The following TUSC3 variants were observed in gnomAD, a reference collection of about 807,000 sequenced individuals.
TUSC3 encodes the protein tumor suppressor candidate 3.
TUSC3 carries 45 observed loss-of-function variants against 44.8 expected under a neutral mutation model. The observed-to-expected ratio is 1.00, with a 90% CI of 0.79 to 1.29. The LOEUF (loss-of-function observed/expected upper bound fraction) is 1.29. TUSC3 is among the 50% of genes most tolerant of loss of function. The pLI is 0.00. For missense variants in TUSC3, 519 were observed against 437.9 expected (o/e 1.19, Z -1.65); for synonymous variants, 212 against 152.9 (o/e 1.39, Z -2.85).
chr8:15,473,860 TAAAC>T (rs1344115953), intron 1 of TUSC3, among the ~76,000 whole-genome samples: 1 of 152,140 alleles, frequency 6.6e-6, no homozygotes, highest in African/African-American at 2.4e-5. Flanking sequence ...ATAAACATCT[TAAAC>T]AACAGAAAAC....
At chr8:15,846,136 G>C in the TUSC3 span, among the ~76,000 whole-genome samples, 1 of 152,150 alleles carries the variant, frequency 6.6e-6, no homozygotes, top group Non-Finnish European at 1.5e-5. Flanking sequence ...CAACATGTGG[G>C]AATTCTGGGA....
chr8:15,764,075 A>G (rs1812257306), intron 10 of TUSC3, 128 bp from the exon 11 acceptor site: 3 of 993,746 alleles, frequency 3.0e-6, no homozygotes, highest in Non-Finnish European at 4.4e-6. Context: ...AAAAATTACA[A>G]TTAGTTGAAT....
chr8:15,835,215 A>C, the TUSC3 span, among the ~76,000 whole-genome samples: 56 of 152,286 alleles, frequency 3.7e-4, no homozygotes, highest in African/African-American at 1.3e-3. Context: ...CTTTACATTC[A>C]GGTTTGTAAA....
At chr8:15,759,691 A>G (rs909391922) in intron 10 of TUSC3, among the ~76,000 whole-genome samples, 1 of 152,010 alleles carries the variant, frequency 6.6e-6, no homozygotes, top group African/African-American at 2.4e-5. Context: ...ATTTTGTAAC[A>G]TGGCATTCTT....
intron 6 of TUSC3, among the ~76,000 whole-genome samples, chr8:15,718,242 T>C (rs1228652669): frequency 6.6e-6 from 1 of 152,060 alleles, no homozygotes; most frequent in Non-Finnish European, 1.5e-5. Context: ...TCAGACAGAA[T>C]CAGTTGGGTC....
intron 5 of TUSC3, among the ~76,000 whole-genome samples, chr8:15,672,055 A>G (rs1807971701): frequency 6.6e-6 from 1 of 151,962 alleles, no homozygotes; most frequent in Admixed American, 6.6e-5. Flanking sequence ...TGTTTTAGAG[A>G]TTGACTGGGT....
intron 2 of TUSC3, among the ~76,000 whole-genome samples, chr8:15,503,249 T>C (rs1317375924): frequency 6.6e-6 from 1 of 151,952 alleles, no homozygotes; most frequent in Non-Finnish European, 1.5e-5. Context: ...ACAAGGACAA[T>C]ATGGCCATCT....
At chr8:15,750,347 G>C (rs352786) in intron 9 of TUSC3, among the ~76,000 whole-genome samples, 4,498 of 151,954 alleles carry the variant, frequency 0.03, 204 homozygotes, top group African/African-American at 0.1. Flanking sequence ...AACTTTCCTT[G>C]TATATCAGAG....
At chr8:15,442,731 A>C (rs531577832) in intron 1 of TUSC3, among the ~76,000 whole-genome samples, 1 of 152,140 alleles carries the variant, frequency 6.6e-6, no homozygotes, top group African/African-American at 2.4e-5. Flanking sequence ...TGATGAAAGA[A>C]TATAGGAGGA....
At chr8:15,582,691 C>G (rs1439154639) in intron 1 of TUSC3, among the ~76,000 whole-genome samples, 1 of 152,184 alleles carries the variant, frequency 6.6e-6, no homozygotes, top group Non-Finnish European at 1.5e-5. Context: ...ATGTAATTCT[C>G]TGCAAGCCTG....
rs7843235 is a variant in TUSC3 at position 15,549,120 on chromosome 8, A to G, written c.138+8552A>G. Among the ~76,000 whole-genome samples, 1,427 of 151,952 alleles carry G rather than the reference A, an allele frequency of 9.4e-3. 29 individuals are homozygous for G. Among genetic ancestry groups the G allele is most frequent in the African/African-American group, 0.032 (1,350 of 41,550 alleles). ...TAGAAGAATAATTTATACCTCAGGT[A>G]TATTTGCTGCATACAATGTGTTTTC... On this transcript the variant is annotated intron_variant, in intron 1 of 10. Coordinates refer to ENST00000503731, the MANE Select transcript of TUSC3 (RefSeq NM_006765.4).
chr8:15,692,357 A>ACC (rs57593991), intron 6 of TUSC3, among the ~76,000 whole-genome samples: 21 of 88,130 alleles, frequency 2.4e-4, no homozygotes, highest in South Asian at 2.1e-3. Context: ...TTGGGAGGAG[A>ACC]CCCCCCCCCC....
Position 15,651,010 on chromosome 8 carries a change from C to G in TUSC3, c.426+196C>G, listed in dbSNP as rs73195129. 0.19 allele frequency: 107,454 copies of G among 557,684 alleles called. 11,025 individuals are homozygous for G. Among genetic ancestry groups the G allele is most frequent in the South Asian group, 0.26 (13,500 of 51,210 alleles). The allele number at this position is 557,684 out of a possible 1,614,324, so 34.5% of individuals were successfully genotyped here. A position where few individuals can be genotyped will look rare whatever the true frequency, so the allele number is the denominator to read the frequency against. ...ACACACACACACACACACACACACA[C>G]ACACACACACACAAATACAATTCAT... On this transcript the variant is annotated intron_variant, in intron 3 of 10. Transcript: ENST00000503731.
chr8:15,784,159 C>G, the TUSC3 span, among the ~76,000 whole-genome samples: 1 of 152,008 alleles, frequency 6.6e-6, no homozygotes, highest in Non-Finnish European at 1.5e-5. Flanking sequence ...ACCTCACAAC[C>G]ATTAGATTGC....
intron 1 of TUSC3, among the ~76,000 whole-genome samples, chr8:15,458,860 G>T (rs918688819): frequency 6.6e-6 from 1 of 152,140 alleles, no homozygotes; most frequent in Admixed American, 6.5e-5. Context: ...TTGGATTTTA[G>T]CTTTACAGGT....
intron 2 of TUSC3, among the ~76,000 whole-genome samples, chr8:15,527,687 G>A (rs1381820804): frequency 3.3e-5 from 5 of 152,134 alleles, no homozygotes; most frequent in African/African-American, 1.2e-4. Flanking sequence ...TTATAGGAGT[G>A]AGCCACTGCA....
intron 2 of TUSC3, among the ~76,000 whole-genome samples, chr8:15,518,132 C>T (rs1017835631): frequency 1.3e-5 from 2 of 152,048 alleles, no homozygotes; most frequent in Non-Finnish European, 2.9e-5. Flanking sequence ...TCCATGTGGG[C>T]TTTTGTACTT....
At chr8:15,584,983 C>G (rs1224378360) in intron 1 of TUSC3, among the ~76,000 whole-genome samples, 2 of 152,006 alleles carry the variant, frequency 1.3e-5, no homozygotes, top group South Asian at 2.1e-4. Flanking sequence ...TACATATCTG[C>G]TTATTAAAAA....
chr8:15,716,407 G>A (rs760738202), intron 6 of TUSC3, among the ~76,000 whole-genome samples: 1 of 151,966 alleles, frequency 6.6e-6, no homozygotes, highest in Non-Finnish European at 1.5e-5. Context: ...TGTTCAGTAA[G>A]TATGATTTTG....
Sources: gnomAD v4.1 joint callset for allele counts (sites outside exome capture counted in the v4.1 genomes callset) on GRCh38, gnomAD v4.1.1 for gene constraint, MANE v1.5 for transcripts, NCBI Gene and HGNC (gene_info 2026-07-23, HGNC 2026-07-21) for gene names.